The following ZNF438 variants were observed in gnomAD, a reference collection of about 807,000 sequenced individuals.
ZNF438 encodes the protein zinc finger protein 438.
A neutral mutation model predicts 38.0 loss-of-function variants in ZNF438; 25 were observed. That is an observed-to-expected ratio of 0.66 (90% CI 0.48 to 0.92). ZNF438 has a LOEUF of 0.92. Among genes scored for constraint, ZNF438 ranks in the 40% least tolerant of loss-of-function variants. The pLI, the probability that ZNF438 is intolerant of heterozygous loss-of-function variation, is 0.00. For synonymous variants in ZNF438, 372 were observed against 364.1 expected (o/e 1.02, Z -0.25); for missense variants, 1,007 against 999.6 (o/e 1.01, Z -0.10).
intron 2 of ZNF438, among the ~76,000 whole-genome samples, chr10:30,940,302 C>T (rs1322404424): frequency 6.6e-6 from 1 of 152,104 alleles, no homozygotes; most frequent in Non-Finnish European, 1.5e-5. Context: ...AACATAAACA[C>T]AAACAATAAA....
intron 1 of ZNF438, among the ~76,000 whole-genome samples, chr10:31,015,268 CATT>C (rs766185441): frequency 2.0e-5 from 3 of 152,106 alleles, no homozygotes; most frequent in Admixed American, 1.3e-4. Context: ...TTGTTTCTGT[CATT>C]ATTACCAGTG....
intron 4 of ZNF438, among the ~76,000 whole-genome samples, chr10:30,871,428 G>A (rs2037390941): frequency 6.6e-6 from 1 of 152,100 alleles, no homozygotes. Context: ...TATGCATTTT[G>A]AGAGCCTACT....
chr10:31,007,151 T>TC (rs1278220598), intron 1 of ZNF438, among the ~76,000 whole-genome samples: 3 of 151,868 alleles, frequency 2.0e-5, no homozygotes, highest in Admixed American at 6.6e-5. Context: ...AAAATTGACC[T>TC]CCCCTAAGCC....
At chr10:30,859,031 A>G (rs986449446) in intron 4 of ZNF438, among the ~76,000 whole-genome samples, 2 of 152,138 alleles carry the variant, frequency 1.3e-5, no homozygotes, top group African/African-American at 4.8e-5. Flanking sequence ...AAAATATATA[A>G]CATGCATTAT....
chr10:31,007,573 C>T (rs1203236068), intron 1 of ZNF438, among the ~76,000 whole-genome samples: 1 of 152,126 alleles, frequency 6.6e-6, no homozygotes, highest in East Asian at 1.9e-4. Context: ...AGCCACCGCG[C>T]CCGGCCAGAT....
At chr10:30,943,440 A>C (rs2047033452) in intron 1 of ZNF438, among the ~76,000 whole-genome samples, 1 of 152,202 alleles carries the variant, frequency 6.6e-6, no homozygotes. Flanking sequence ...ACTTGAATTT[A>C]AGAGTTTTAA....
At chr10:31,028,481 T>C (rs142593008) in intron 1 of ZNF438, among the ~76,000 whole-genome samples, 1 of 152,350 alleles carries the variant, frequency 6.6e-6, no homozygotes, top group Non-Finnish European at 1.5e-5. Context: ...TGAGTAATTC[T>C]TTTGTTGAAA....
intron 2 of ZNF438, among the ~76,000 whole-genome samples, chr10:30,929,991 T>A (rs2045445526): frequency 6.6e-6 from 1 of 152,240 alleles, no homozygotes; most frequent in Non-Finnish European, 1.5e-5. Flanking sequence ...CAGGAGCCCA[T>A]CTGGCTTCAC....
intron 1 of ZNF438, among the ~76,000 whole-genome samples, chr10:31,000,653 T>A (rs1478499848): frequency 1.3e-5 from 2 of 152,170 alleles, no homozygotes; most frequent in Admixed American, 6.5e-5. Context: ...CACTCTGATG[T>A]ACAGCTATGA....
At chr10:31,005,771 G>A (rs895842893) in intron 1 of ZNF438, among the ~76,000 whole-genome samples, 2 of 152,072 alleles carry the variant, frequency 1.3e-5, no homozygotes, top group Non-Finnish European at 2.9e-5. Flanking sequence ...TAAAAAAATA[G>A]GTATTTACTA....
At chr10:30,893,863 T>G (rs1013645994) in intron 3 of ZNF438, among the ~76,000 whole-genome samples, 6 of 152,226 alleles carry the variant, frequency 3.9e-5, no homozygotes, top group Non-Finnish European at 5.9e-5. Context: ...TAAAAAAGTC[T>G]TATCCTCTGG....
At chr10:31,031,623 G>A (rs888936867) in intron 1 of ZNF438, among the ~76,000 whole-genome samples, 5 of 152,074 alleles carry the variant, frequency 3.3e-5, no homozygotes, top group Admixed American at 6.5e-5. Context: ...GTGCTGGCCC[G>A]GCCCCACGGG....
At chr10:30,861,676 A>G (rs1165635328) in intron 4 of ZNF438, among the ~76,000 whole-genome samples, 1 of 57,562 alleles carries the variant, frequency 1.7e-5, no homozygotes, top group Non-Finnish European at 3.6e-5. Context: ...CTAATTATGA[A>G]GCTTTTATTA....
intron 2 of ZNF438, among the ~76,000 whole-genome samples, chr10:30,937,321 A>G (rs1274812042): frequency 6.6e-6 from 1 of 152,238 alleles, no homozygotes; most frequent in Non-Finnish European, 1.5e-5. Context: ...AAATATTAAA[A>G]TGCATAACAT....
intron 4 of ZNF438, among the ~76,000 whole-genome samples, chr10:30,868,137 T>C (rs374834261): frequency 3.3e-5 from 5 of 151,894 alleles, no homozygotes; most frequent in African/African-American, 1.2e-4. Flanking sequence ...TGGCACGATC[T>C]CAACTCACTG....
chr10:30,967,727 G>T (rs1468951506), intron 1 of ZNF438, among the ~76,000 whole-genome samples: 1 of 152,148 alleles, frequency 6.6e-6, no homozygotes, highest in Non-Finnish European at 1.5e-5. Flanking sequence ...AGGAAGGAGC[G>T]ATTTCTTGTC....
At chr10:30,950,116 A>G (rs1460995169) in intron 1 of ZNF438, among the ~76,000 whole-genome samples, 1 of 149,986 alleles carries the variant, frequency 6.7e-6, no homozygotes, top group Non-Finnish European at 1.5e-5. Context: ...GCTCAACTAC[A>G]TGGAAACTGA....
In ZNF438 at chr10:30,892,042, C is replaced by T. The variant is rs553855992; in HGVS notation, c.-31-14977G>A. ...ATAAAGAGGCTGTCATTTACACTTC[C>T]ATAATATAGACATGTATTGTGAAAT... On this transcript the variant is annotated intron_variant, in intron 3 of 5. Transcript: ENST00000413025. 3.3e-5 allele frequency among the ~76,000 whole-genome samples: 5 copies of T among 152,276 alleles called. No individual in the cohort carries two copies. The South Asian group carries it at 1.0e-3, about 32-fold the overall frequency.
At position 30,982,959 on chromosome 10, in the gene ZNF438, T is replaced by C. The variant is rs78149419; in HGVS notation, c.-191-41308A>G. On this transcript the variant is annotated intron_variant, in intron 1 of 5. Transcript: ENST00000413025. ...GTACTTGTTAACAATACATCTACCA[T>C]GTCTACTACTTGACCTAGAAGCTCA... Among the ~76,000 whole-genome samples, 893 of 152,308 alleles carry C rather than the reference T, an allele frequency of 5.9e-3. 11 individuals are homozygous for C. Among genetic ancestry groups the C allele is most frequent in the African/African-American group, 0.021 (860 of 41,578 alleles).
Sources: allele counts gnomAD v4.1 joint callset (sites outside exome capture counted in the v4.1 genomes callset), GRCh38; gene constraint gnomAD v4.1.1; transcripts MANE v1.5; gene names NCBI Gene and HGNC (gene_info 2026-07-23, HGNC 2026-07-21).